Variants in SLC26A4 observed in about 807,000 individuals in gnomAD.
SLC26A4 encodes the protein solute carrier family 26 member 4.
Under a neutral mutation model 90.4 loss-of-function variants are expected in SLC26A4, and 93 were observed. The ratio of observed to expected loss-of-function variants is 1.03; its 90% CI spans 0.87 to 1.22. SLC26A4 has a LOEUF of 1.22. SLC26A4 is among the 50% of genes most tolerant of loss of function. The pLI, the probability that SLC26A4 is intolerant of heterozygous loss-of-function variation, is 0.00. For missense variants in SLC26A4, 1,127 were observed against 946.2 expected (o/e 1.19, Z -2.51); for synonymous variants, 393 against 354.6 (o/e 1.11, Z -1.22).
At chr7:107,697,982 CT>C in intron 13 of SLC26A4, 59 bp from the exon 14 acceptor site, 1 of 1,107,360 alleles carries the variant, frequency 9.0e-7, no homozygotes, top group Non-Finnish European at 1.4e-6. Context: ...TTGTTTTTAA[CT>C]TTTTATTCCA....
intron 10 of SLC26A4, among the ~76,000 whole-genome samples, 156 bp from the exon 11 acceptor site, chr7:107,694,247 A>G (rs1351540850): frequency 2.0e-5 from 3 of 152,212 alleles, no homozygotes; most frequent in Non-Finnish European, 4.4e-5. Flanking sequence ...GCTTGAGCAA[A>G]TAACTATCAC....
chr7:107,714,420 T>C (rs1792284177), intron 20 of SLC26A4, among the ~76,000 whole-genome samples: 1 of 152,146 alleles, frequency 6.6e-6, no homozygotes, highest in Non-Finnish European at 1.5e-5. Flanking sequence ...GTGGAGGAAA[T>C]ACATTGCTAG....
In SLC26A4 at chr7:107,683,276, C is replaced by A. The variant is rs759467038; in HGVS notation, c.840C>A (p.Val280=). ...TCACTGCTGGATTGCTCACCATTGTCGTCTGTATGGCAGTTAAGGAATTAA... is the reference window on the plus strand; with the variant it reads ...TCACTGCTGGATTGCTCACCATTGTAGTCTGTATGGCAGTTAAGGAATTAA... The part of the protein sequence containing the change: ...ADFTAGLLTI[V]VCMAVKELND... Residue 280 remains valine, a synonymous_variant, in exon 7 of 21, where the codon GTC becomes GTA. Coordinates refer to ENST00000644269, the MANE Select transcript of SLC26A4 (RefSeq NM_000441.2). 1 of 1,612,962 alleles carries A rather than the reference C, an allele frequency of 6.2e-7. No individual in the cohort carries two copies. The highest frequency in any genetic ancestry group is 1.3e-5 in the African/African-American group (1 of 74,872).
In SLC26A4 at chr7:107,661,395, C is replaced by T. The variant is rs186365781; in HGVS notation, c.-3-244C>T. 4,580 of 590,160 alleles carry T rather than the reference C, an allele frequency of 7.8e-3. 31 individuals are homozygous for T. The highest frequency in any genetic ancestry group is 0.014 in the South Asian group (715 of 50,396). 36.6% of individuals were successfully genotyped at this position (590,160 alleles called of 1,614,324 possible). ...CTTACTCGCTTCAAGTTTGGGGAAC[C>T]CCGGGCAGCGGGTGCAGGCCACGAG... On this transcript the variant is annotated intron_variant, in intron 1 of 20. Transcript: ENST00000644269. The surrounding 1 kb of genome is among the most constrained non-coding windows in gnomAD (Gnocchi z 5.1).
intron 6 of SLC26A4, among the ~76,000 whole-genome samples, chr7:107,680,331 CTTATTATATAATG>C (rs1230210999): frequency 1.6e-5 from 2 of 125,812 alleles, no homozygotes; most frequent in Non-Finnish European, 3.3e-5. Context: ...ATAATCTTAT[CTTATTATATAATG>C]TTATATTATT....
intron 18 of SLC26A4, among the ~76,000 whole-genome samples, chr7:107,708,609 T>A (rs1792095046): frequency 6.6e-6 from 1 of 152,094 alleles, no homozygotes; most frequent in Non-Finnish European, 1.5e-5. Flanking sequence ...ATCCCAGCAC[T>A]TTGGGAGGCA....
At chr7:107,670,904 AG>A (rs1199348211) in intron 3 of SLC26A4, among the ~76,000 whole-genome samples, 1 of 152,194 alleles carries the variant, frequency 6.6e-6, no homozygotes, top group Non-Finnish European at 1.5e-5. Context: ...CTCTATAGCC[AG>A]GCATTAATGG....
intron 18 of SLC26A4, among the ~76,000 whole-genome samples, 192 bp from the exon 19 acceptor site, chr7:107,709,862 G>A (rs541058859): frequency 6.6e-6 from 1 of 151,790 alleles, no homozygotes. Context: ...GGGCATGGTA[G>A]GGTGTGCCCT....
In SLC26A4 at chr7:107,679,887, A is replaced by ATAT. The variant is rs1562826817; in HGVS notation, c.766-3314_766-3313insATT. Among the ~76,000 whole-genome samples, 23 of 82,462 alleles carry ATAT rather than the reference A, an allele frequency of 2.8e-4. 2 individuals carry two copies. The highest frequency in any genetic ancestry group is 2.4e-3 in the African/African-American group (23 of 9,602). 54.1% of individuals were successfully genotyped at this position (82,462 alleles called of 152,430 possible). A position where few individuals can be genotyped will look rare whatever the true frequency, so the allele number is the denominator to read the frequency against. ...ATATAATCTTATATTATATAATCTT[A>ATAT]TCTTATATAATCTTATATTATATGC... On this transcript the variant is annotated intron_variant, in intron 6 of 20. Transcript: ENST00000644269.
chr7:107,684,174 C>T (rs376307865), intron 8 of SLC26A4, among the ~76,000 whole-genome samples: 1 of 152,136 alleles, frequency 6.6e-6, no homozygotes, highest in African/African-American at 2.4e-5. Flanking sequence ...TGAGATCTCT[C>T]ATGAAATGAA....
At chr7:107,687,062 G>A (rs1377244525) in intron 8 of SLC26A4, among the ~76,000 whole-genome samples, 1 of 152,152 alleles carries the variant, frequency 6.6e-6, no homozygotes, top group Non-Finnish European at 1.5e-5. Flanking sequence ...TATTCTGTTT[G>A]GTATTCTGTT....
chr7:107,683,679 C>A, intron 8 of SLC26A4, 142 bp downstream of exon 8: 3 of 703,354 alleles, frequency 4.3e-6, no homozygotes, highest in Non-Finnish European at 4.8e-6. Flanking sequence ...GAAGAAACAA[C>A]CATAAGACAA....
At position 107,688,949 on chromosome 7, in the gene SLC26A4, C is replaced by A. The variant is rs1584323838; in HGVS notation, c.1002-104C>A. ...GCTTTTTGTTCTTTTGGATCAAGTACTTTCATGTCTAATATGTGACTGAGC... is the reference window on the plus strand; with the variant it reads ...GCTTTTTGTTCTTTTGGATCAAGTAATTTCATGTCTAATATGTGACTGAGC... On this transcript the variant is annotated intron_variant, in intron 8 of 20. Transcript: ENST00000644269. 1.0e-5 allele frequency: 12 copies of A among 1,202,596 alleles called. No individual in the cohort carries two copies. The East Asian group carries it at 2.8e-4, about 28-fold the overall frequency. The allele number at this position is 1,202,596 out of a possible 1,614,324, so 74.5% of individuals were successfully genotyped here.
intron 9 of SLC26A4, 104 bp from the exon 10 acceptor site, chr7:107,690,020 G>A (rs1469602219): frequency 3.8e-6 from 3 of 795,186 alleles, no homozygotes; most frequent in African/African-American, 3.4e-5. Flanking sequence ...ACCACGCAGA[G>A]TAGGCATGGG....
intron 3 of SLC26A4, among the ~76,000 whole-genome samples, chr7:107,664,864 G>A (rs1241835290): frequency 6.6e-6 from 1 of 152,026 alleles, no homozygotes; most frequent in Non-Finnish European, 1.5e-5. Flanking sequence ...CAAAGACCCT[G>A]AATCATGAAA....
chr7:107,702,087 T>C, intron 17 of SLC26A4, 30 bp downstream of exon 17: 1 of 1,419,300 alleles, frequency 7.0e-7, no homozygotes. Context: ...AATTATACAT[T>C]TGGAGCTTTG....
intron 3 of SLC26A4, among the ~76,000 whole-genome samples, chr7:107,671,113 C>G (rs957115593): frequency 3.3e-5 from 5 of 152,210 alleles, no homozygotes; most frequent in Non-Finnish European, 7.3e-5. Context: ...TCAGACACAA[C>G]TGCCTCTGTG....
chr7:107,693,562 C>T (rs779565818), intron 10 of SLC26A4: 409 of 985,336 alleles, frequency 4.2e-4, no homozygotes, highest in Non-Finnish European at 4.8e-4. Context: ...AGCTTCTAAT[C>T]TTCATCTTGG....
intron 3 of SLC26A4, among the ~76,000 whole-genome samples, chr7:107,666,304 C>A (rs137867889): frequency 1.3e-5 from 2 of 152,168 alleles, no homozygotes; most frequent in African/African-American, 4.8e-5. Context: ...TCACCACAGC[C>A]TTGGCCTCCT....
Sources: gnomAD v4.1 joint callset for allele counts (sites outside exome capture counted in the v4.1 genomes callset) on GRCh38, gnomAD v4.1.1 for gene constraint, Gnocchi (gnomAD v3.1) non-coding constraint, MANE v1.5 for transcripts, NCBI Gene and HGNC (gene_info 2026-07-23, HGNC 2026-07-21) for gene names.